ROBO1: variants seen among roughly 807,000 people sequenced by gnomAD.
The protein encoded by ROBO1 is roundabout homolog 1.
In ROBO1, 149 loss-of-function variants were observed where a neutral mutation model predicts 195.9. The ratio of observed to expected loss-of-function variants is 0.76; its 90% CI spans 0.67 to 0.87. The LOEUF is 0.87. Among genes scored for constraint, ROBO1 ranks in the 40% least tolerant of loss-of-function variants. The pLI is 0.00. For missense variants in ROBO1, 1,933 were observed against 2,068.3 expected, an observed-to-expected ratio of 0.93 and a Z score of 1.27; for synonymous variants, 816 against 733.2, an observed-to-expected ratio of 1.11 and a Z score of -1.82.
chr3:79,505,496 G>A (rs990774358), intron 2 of ROBO1, among the ~76,000 whole-genome samples: 3 of 152,148 alleles, frequency 2.0e-5, no homozygotes, highest in Non-Finnish European at 4.4e-5. Flanking sequence ...CAGGCAGGAT[G>A]AACTTTTTCC....
chr3:79,200,703 T>C (rs2081746689), intron 2 of ROBO1, among the ~76,000 whole-genome samples: 2 of 151,868 alleles, frequency 1.3e-5, no homozygotes, highest in Non-Finnish European at 2.9e-5. Flanking sequence ...CGTACTCTAA[T>C]GTAGCATGAA....
chr3:79,494,516 A>G (rs1166830900), intron 2 of ROBO1, among the ~76,000 whole-genome samples: 4 of 152,178 alleles, frequency 2.6e-5, no homozygotes, highest in African/African-American at 9.6e-5. Flanking sequence ...AAGGATGAAA[A>G]GTGAACTACA....
At chr3:78,944,455 G>T (rs1315870530) in intron 3 of ROBO1, among the ~76,000 whole-genome samples, 1 of 152,208 alleles carries the variant, frequency 6.6e-6, no homozygotes, top group East Asian at 1.9e-4. Context: ...AGCCATGCCT[G>T]CACCCTGATG....
At chr3:79,204,660 T>G (rs1050739541) in intron 2 of ROBO1, among the ~76,000 whole-genome samples, 2 of 152,200 alleles carry the variant, frequency 1.3e-5, no homozygotes, top group Non-Finnish European at 2.9e-5. Flanking sequence ...CTACACTCTG[T>G]GCTGGAGGTT....
intron 5 of ROBO1, among the ~76,000 whole-genome samples, chr3:78,724,921 C>A (rs924126032): frequency 6.6e-6 from 1 of 152,122 alleles, no homozygotes; most frequent in Non-Finnish European, 1.5e-5. Context: ...TCTCTTCCTG[C>A]GGCTGGATTT....
chr3:79,110,573 A>G (rs995799208), intron 3 of ROBO1, among the ~76,000 whole-genome samples: 1 of 150,604 alleles, frequency 6.6e-6, no homozygotes. Context: ...AGAATCTCGT[A>G]TCTGTTAACT....
At chr3:79,108,865 C>T (rs2079833676) in intron 3 of ROBO1, among the ~76,000 whole-genome samples, 1 of 151,840 alleles carries the variant, frequency 6.6e-6, no homozygotes, top group Admixed American at 6.6e-5. Flanking sequence ...TTGAAAACAT[C>T]TAAATTGCAT....
At chr3:78,827,832 C>T (rs2031771801) in intron 4 of ROBO1, among the ~76,000 whole-genome samples, 1 of 152,086 alleles carries the variant, frequency 6.6e-6, no homozygotes, top group Admixed American at 6.5e-5. Flanking sequence ...GAGGCCCACC[C>T]ACAATTTGGA....
At chr3:79,070,617 A>G (rs2079072269) in intron 3 of ROBO1, among the ~76,000 whole-genome samples, 1 of 151,774 alleles carries the variant, frequency 6.6e-6, no homozygotes, top group Non-Finnish European at 1.5e-5. Context: ...TTTTGTGGGA[A>G]GTAATTTGTG....
At chr3:79,237,071 A>G (rs1290743620) in intron 2 of ROBO1, among the ~76,000 whole-genome samples, 2 of 152,214 alleles carry the variant, frequency 1.3e-5, no homozygotes, top group Non-Finnish European at 1.5e-5. Context: ...TACTAATACT[A>G]TAAATGCTGC....
intron 4 of ROBO1, among the ~76,000 whole-genome samples, chr3:78,894,178 T>C (rs2037094935): frequency 1.3e-5 from 2 of 152,006 alleles, no homozygotes; most frequent in African/African-American, 2.4e-5. Context: ...TAAATTAATA[T>C]CTCCCTAAGC....
intron 3 of ROBO1, among the ~76,000 whole-genome samples, chr3:78,997,486 C>A (rs1486153605): frequency 6.6e-6 from 1 of 152,064 alleles, no homozygotes; most frequent in Non-Finnish European, 1.5e-5. Flanking sequence ...TCACATTCTC[C>A]TTGTCATTAA....
At chr3:78,934,143 A>G (rs189388863) in intron 4 of ROBO1, among the ~76,000 whole-genome samples, 172 of 152,132 alleles carry the variant, frequency 1.1e-3, no homozygotes, top group African/African-American at 3.9e-3. Flanking sequence ...GTGTCTAACC[A>G]TAATGGAAGT....
At chr3:79,486,734 C>T (rs1939178047) in intron 2 of ROBO1, among the ~76,000 whole-genome samples, 2 of 152,090 alleles carry the variant, frequency 1.3e-5, no homozygotes, top group Admixed American at 1.3e-4. Context: ...GAATATGCCA[C>T]CCCAAAATAT....
intron 2 of ROBO1, among the ~76,000 whole-genome samples, chr3:79,557,337 A>G (rs996369235): frequency 3.3e-5 from 5 of 152,136 alleles, no homozygotes; most frequent in Admixed American, 1.3e-4. Flanking sequence ...AATGATGTAG[A>G]TTTTTAAAAC....
At chr3:79,504,403 TAA>T (rs1483330993) in intron 2 of ROBO1, among the ~76,000 whole-genome samples, 1 of 152,086 alleles carries the variant, frequency 6.6e-6, no homozygotes, top group Non-Finnish European at 1.5e-5. Flanking sequence ...ATGCTGAAAA[TAA>T]GAGACCTATT....
At chr3:78,828,225 G>T (rs984561928) in intron 4 of ROBO1, among the ~76,000 whole-genome samples, 3 of 152,022 alleles carry the variant, frequency 2.0e-5, no homozygotes, top group Non-Finnish European at 4.4e-5. Flanking sequence ...TTCATTTTCT[G>T]CAAGTTGATT....
At chr3:79,122,664 C>T (rs926175417) in intron 3 of ROBO1, among the ~76,000 whole-genome samples, 4 of 151,800 alleles carry the variant, frequency 2.6e-5, no homozygotes, top group Non-Finnish European at 4.4e-5. Flanking sequence ...GTGATGCTCC[C>T]AAATGGCTTA....
rs374217116 is a variant in ROBO1 at position 79,609,661 on chromosome 3, C to T, written c.-50-19700G>A. 4.0e-5 allele frequency among the ~76,000 whole-genome samples: 6 copies of T among 151,746 alleles called. No individual in the cohort carries two copies. In the East Asian group the frequency reaches 7.8e-4, roughly 20 times the overall value. On this transcript the variant is annotated intron_variant, in intron 1 of 30. Transcript: ENST00000464233. ...TGTGGTATAACATACAATGGAGTAT[C>T]GTTCAGCCTTAAAAAGAAGGAAATT...
Sources: allele counts gnomAD v4.1 joint callset (sites outside exome capture counted in the v4.1 genomes callset), GRCh38; gene constraint gnomAD v4.1.1; transcripts MANE v1.5; gene names NCBI Gene and HGNC (gene_info 2026-07-23, HGNC 2026-07-21).